Variants in OTUD5 observed in about 807,000 individuals in gnomAD.
The protein encoded by OTUD5 is OTU deubiquitinase 5, also known as OTU domain-containing protein 5.
Under a neutral mutation model 36.3 loss-of-function variants are expected in OTUD5, and 2 were observed. The observed-to-expected ratio is 0.06, with a 90% confidence interval of 0.02 to 0.17. The LOEUF is 0.17. OTUD5 is among the 10% of genes least tolerant of loss of function. The pLI is 1.00. For missense variants in OTUD5, 233 were observed against 512.3 expected, an observed-to-expected ratio of 0.45 and a Z score of 5.26; for synonymous variants, 234 against 214.9, an observed-to-expected ratio of 1.09 and a Z score of -0.78.
chrX:48,950,287 G>A (rs781869063), intron 1 of OTUD5, among the ~76,000 whole-genome samples: 564 of 111,326 alleles, frequency 5.1e-3, no homozygotes, highest in Non-Finnish European at 9.3e-3. Context: ...GAGACAGAGG[G>A]AAATTTGATA....
intron 1 of OTUD5, among the ~76,000 whole-genome samples, chrX:48,944,690 GCCTAGA>G (rs2063991778): frequency 3.6e-5 from 4 of 111,975 alleles, no homozygotes; most frequent in Non-Finnish European, 5.6e-5. Context: ...ACTAGCAAGA[GCCTAGA>G]TCCTGAACCT....
At position 48,925,865 on chromosome X, in the gene OTUD5, C is replaced by T. The variant is rs2063658695; in HGVS notation, c.1245G>A (p.Gln415=). ...GACCCACCTGGCTGGGGCCTCGGAC[C>T]TGGCGAGCCTGTTTCTCCTGATCCC... ...WLRDQEKQAR[Q]VRGPSQPRKA... Residue 415 remains glutamine, a synonymous_variant, in exon 6 of 9, where the codon CAG becomes CAA. Transcript: ENST00000376488. 1 of 1,209,380 alleles carries T rather than the reference C, an allele frequency of 8.3e-7. No homozygotes were observed. The highest frequency in any genetic ancestry group is 1.1e-6 in the Non-Finnish European group (1 of 894,301).
At chrX:48,925,173 C>T (rs2063645494) in intron 6 of OTUD5, among the ~76,000 whole-genome samples, 1 of 106,680 alleles carries the variant, frequency 9.4e-6, no homozygotes, top group Non-Finnish European at 1.9e-5. Context: ...AGTTACTCCG[C>T]AGGCTGAGGC....
chrX:48,948,168 C>T (rs782456997), intron 1 of OTUD5, among the ~76,000 whole-genome samples: 2 of 112,134 alleles, frequency 1.8e-5, no homozygotes, highest in South Asian at 7.4e-4. Flanking sequence ...GCCGACATGG[C>T]GAAGCCTTGT....
intron 2 of OTUD5, chrX:48,940,929 G>A (rs2063908406): frequency 8.9e-6 from 1 of 111,772 alleles, no homozygotes; most frequent in Non-Finnish European, 1.9e-5. Flanking sequence ...GCAATTCTCA[G>A]AAGTCTCTAA....
intron 6 of OTUD5, among the ~76,000 whole-genome samples, chrX:48,924,997 A>G (rs1399649645): frequency 4.5e-5 from 5 of 110,857 alleles, no homozygotes; most frequent in Non-Finnish European, 7.6e-5. Context: ...CAGCTCCTTC[A>G]GCCGGGTGCG....
intron 7 of OTUD5, 33 bp downstream of exon 7, chrX:48,923,818 T>C (rs1557046986): frequency 1.7e-6 from 2 of 1,203,611 alleles, no homozygotes; most frequent in Admixed American, 2.2e-5. Flanking sequence ...GCCTCCTAAC[T>C]CCCAGCACAT....
intron 1 of OTUD5, among the ~76,000 whole-genome samples, chrX:48,947,896 A>G (rs2064060557): frequency 9.0e-6 from 1 of 111,682 alleles, no homozygotes; most frequent in Non-Finnish European, 1.9e-5. Context: ...GTAGAGCTAA[A>G]GTTCTGGGTA....
intron 2 of OTUD5, among the ~76,000 whole-genome samples, chrX:48,939,471 CAT>C (rs1449480652): frequency 8.9e-6 from 1 of 111,881 alleles, no homozygotes; most frequent in Non-Finnish European, 1.9e-5. Flanking sequence ...TAGAAATGCA[CAT>C]GTGTATACAC....
intron 2 of OTUD5, among the ~76,000 whole-genome samples, chrX:48,941,850 A>T (rs1436021860): frequency 8.9e-6 from 1 of 111,903 alleles, no homozygotes; most frequent in African/African-American, 3.3e-5. Context: ...TCCCAGGCAC[A>T]TGTATTATGC....
At chrX:48,929,402 T>TAAATA (rs1167976527) in intron 5 of OTUD5, among the ~76,000 whole-genome samples, 4 of 99,024 alleles carry the variant, frequency 4.0e-5, no homozygotes, top group Non-Finnish European at 8.1e-5. Context: ...AATAAATAAA[T>TAAATA]AAATAAAATA....
chrX:48,924,130 C>A, intron 6 of OTUD5, 78 bp from the exon 7 acceptor site: 3 of 958,304 alleles, frequency 3.1e-6, no homozygotes, highest in Non-Finnish European at 4.3e-6. Context: ...AATGCTGGCT[C>A]CCTTCCCAGG....
At chrX:48,944,383 G>A in intron 1 of OTUD5, 100 bp from the exon 2 acceptor site, 1 of 527,993 alleles carries the variant, frequency 1.9e-6, no homozygotes. Context: ...TTGACAGAGA[G>A]GACGCTGGCC....
intron 2 of OTUD5, among the ~76,000 whole-genome samples, chrX:48,941,958 G>A (rs2063931583): frequency 9.0e-6 from 1 of 111,256 alleles, no homozygotes; most frequent in South Asian, 3.7e-4. Flanking sequence ...ACAGAGAAAA[G>A]CCAAAGGCAG....
At chrX:48,957,864 G>C (rs1466162970), upstream of OTUD5, 6 of 716,708 alleles carry the variant, frequency 8.4e-6, no homozygotes, top group Non-Finnish European at 9.9e-6. Flanking sequence ...TTATTGCTAC[G>C]CTTGTTCCGG....
intron 6 of OTUD5, among the ~76,000 whole-genome samples, chrX:48,924,476 G>A (rs1412367434): frequency 9.0e-6 from 1 of 111,427 alleles, no homozygotes; most frequent in African/African-American, 3.3e-5. Flanking sequence ...CATCCTGTCC[G>A]TCCTCTGCTC....
intron 1 of OTUD5, among the ~76,000 whole-genome samples, chrX:48,950,591 G>C (rs1569516379): frequency 1.1e-5 from 1 of 92,571 alleles, no homozygotes; most frequent in African/African-American, 4.2e-5. Context: ...CACCCAGGCT[G>C]GAGTGCAGTG....
chrX:48,957,790 G>GTT, upstream of OTUD5: 1 of 785,504 alleles, frequency 1.3e-6, no homozygotes, highest in Non-Finnish European at 1.5e-6. Flanking sequence ...GAACCCGGAT[G>GTT]TAAAGTCCAA....
At chrX:48,924,819 G>T (rs1303884070) in intron 6 of OTUD5, among the ~76,000 whole-genome samples, 5 of 111,999 alleles carry the variant, frequency 4.5e-5, no homozygotes, top group Non-Finnish European at 7.5e-5. Flanking sequence ...TCCATCCATA[G>T]CACTTCCCAA....
Sources: gnomAD v4.1 joint callset for allele counts (sites outside exome capture counted in the v4.1 genomes callset) on GRCh38, gnomAD v4.1.1 for gene constraint, MANE v1.5 for transcripts, NCBI Gene and HGNC (gene_info 2026-07-23, HGNC 2026-07-21) for gene names.